Variants in SMARCA4 observed in about 807,000 individuals in gnomAD.
The protein encoded by SMARCA4 is SWI/SNF related BAF chromatin remodeling complex subunit ATPase 4.
SMARCA4 carries 31 observed loss-of-function variants against 193.9 expected under a neutral mutation model. That is an observed-to-expected ratio of 0.16 (90% CI 0.12 to 0.22). The LOEUF is 0.22. Among genes scored for constraint, SMARCA4 ranks in the 10% least tolerant of loss-of-function variants. SMARCA4 has a pLI of 1.00. For synonymous variants in SMARCA4, 942 were observed against 933.1 expected, an observed-to-expected ratio of 1.01 and a Z score of -0.17; for missense variants, 1,148 against 2,296.0, an observed-to-expected ratio of 0.50 and a Z score of 10.22.
intron 18 of SMARCA4, 88 bp from the exon 19 acceptor site, chr19:11,021,637 T>A: frequency 6.6e-7 from 1 of 1,507,032 alleles, no homozygotes; most frequent in South Asian, 1.2e-5. Context: ...GGAGCCTTCC[T>A]GGCTGCTGGG....
Position 10,986,279 on chromosome 19 carries a change from C to G in SMARCA4, c.446C>G (p.Pro149Arg), listed in dbSNP as rs752378291. 1 of 1,613,854 alleles carries G rather than the reference C, an allele frequency of 6.2e-7. No homozygotes were observed. Among genetic ancestry groups the G allele is most frequent in the South Asian group, 1.1e-5 (1 of 91,082 alleles). ...TCGGGGCCCCAGATGTCTTCCGGGC[C>G]AGGAGGTGCCCCGCTGGATGGTGCT... ...PSSGPQMSSGPGGAPLDGADP... is the reference protein window; with the variant it reads ...PSSGPQMSSGRGGAPLDGADP... The change falls in exon 4 of 35, where the codon CCA becomes CGA. Residue 149 changes from proline (P) to arginine (R), a missense_variant. This residue lies in a region of SMARCA4 where 201 missense variants were observed against 248.3 expected (regional missense o/e 0.81). Coordinates refer to ENST00000344626, the MANE Select transcript of SMARCA4 (RefSeq NM_003072.5). This position sits in a 1 kb window ranked among gnomAD's most constrained non-coding sequence, Gnocchi z 6.7.
intron 30 of SMARCA4, among the ~76,000 whole-genome samples, chr19:11,048,626 A>G (rs1487278075): frequency 6.6e-6 from 1 of 152,200 alleles, no homozygotes; most frequent in East Asian, 1.9e-4. Flanking sequence ...TGGTCCGTCT[A>G]GGTGGCGACA....
At position 11,030,421 on chromosome 19, in the gene SMARCA4, A is replaced by G. The variant is rs1349049015; in HGVS notation, c.3383-309A>G. Among the ~76,000 whole-genome samples, 1 of 152,200 alleles carries G rather than the reference A, an allele frequency of 6.6e-6. No homozygotes were observed. The highest frequency in any genetic ancestry group is 1.5e-5 in the Non-Finnish European group (1 of 68,038). On this transcript the variant is annotated intron_variant, in intron 24 of 34. Transcript: ENST00000344626. The surrounding 1 kb of genome is among the most constrained non-coding windows in gnomAD (Gnocchi z 5.5). Reference sequence around the variant, plus strand: ...GGCTGTGGTGGTGGTGGCTGTGCTGACGCTGGACGCTGTGGCCTAGCTGTG... The same window carrying G: ...GGCTGTGGTGGTGGTGGCTGTGCTGGCGCTGGACGCTGTGGCCTAGCTGTG...
chr19:10,976,320 A>G (rs1599867495), intron 1 of SMARCA4, among the ~76,000 whole-genome samples: 1 of 152,036 alleles, frequency 6.6e-6, no homozygotes, highest in Admixed American at 6.6e-5. Context: ...CCAGCCCCAC[A>G]CCCCATCCAG....
chr19:11,061,722 C>T (rs2147155573), intron 34 of SMARCA4, 62 bp from the exon 35 acceptor site: 1 of 1,520,480 alleles, frequency 6.6e-7, no homozygotes. Context: ...TTGGCAGGTC[C>T]CTGGCAAGGT....
chr19:10,968,446 CACGG>C (rs2084409711), intron 1 of SMARCA4, among the ~76,000 whole-genome samples: 1 of 152,096 alleles, frequency 6.6e-6, no homozygotes, highest in Non-Finnish European at 1.5e-5. Context: ...GATAGAGTAG[CACGG>C]GCCCCGTTTT....
In SMARCA4 at chr19:11,039,505, T is replaced by C. The variant is rs1600445874; in HGVS notation, c.4171-1802T>C. On this transcript the variant is annotated intron_variant, in intron 29 of 34. Transcript: ENST00000344626. ...ATGACACAGCCAGCAGTGTGGCACG[T>C]GGGCTACAATTCCAGCGTGGCCTTC... 1 of 1,601,472 alleles carries C rather than the reference T, an allele frequency of 6.2e-7. No individual in the cohort carries two copies. The highest frequency in any genetic ancestry group is 8.5e-7 in the Non-Finnish European group (1 of 1,175,768).
At position 11,041,210 on chromosome 19, in the gene SMARCA4, T is replaced by A; in HGVS notation, c.4171-97T>A. 1 of 1,354,568 alleles carries A rather than the reference T, an allele frequency of 7.4e-7. No individual in the cohort carries two copies. Among genetic ancestry groups the A allele is most frequent in the Non-Finnish European group, 1.0e-6 (1 of 989,410 alleles). 83.9% of individuals were successfully genotyped at this position (1,354,568 alleles called of 1,614,324 possible). On this transcript the variant is annotated intron_variant, in intron 29 of 34. Coordinates refer to ENST00000344626, the MANE Select transcript of SMARCA4 (RefSeq NM_003072.5). The surrounding 1 kb of genome is among the most constrained non-coding windows in gnomAD (Gnocchi z 5.6). ...GAAGGGAGAGCGGGTGCGGGGGCCC[T>A]CCTCCGTGTCCCAGCCCGGCCCCTG...
In SMARCA4 at chr19:10,963,370, CAAAAAAA is replaced by C. The variant is rs755616481; in HGVS notation, c.-32+2211_-32+2217del. 3.8e-4 allele frequency among the ~76,000 whole-genome samples: 20 copies of C among 53,142 alleles called. No homozygotes were observed. In the South Asian group the frequency reaches 5.6e-3, roughly 15 times the overall value. The allele number at this position is 53,142 out of a possible 152,430, so 34.9% of individuals were successfully genotyped here. ...CCTGTGCACCAGAGTAAGACTGTCTCAAAAAAAAAAAAAAAAAAAAAGAAAAAGAAAG... is the reference window on the plus strand; with the variant it reads ...CCTGTGCACCAGAGTAAGACTGTCTCAAAAAAAAAAAAAAGAAAAAGAAAG... On this transcript the variant is annotated intron_variant, in intron 1 of 34. Coordinates refer to ENST00000344626, the MANE Select transcript of SMARCA4 (RefSeq NM_003072.5).
At chr19:11,053,828 A>T (rs2076394239) in intron 30 of SMARCA4, among the ~76,000 whole-genome samples, 3 of 152,022 alleles carry the variant, frequency 2.0e-5, no homozygotes, top group African/African-American at 7.2e-5. Context: ...GTAGGATCTC[A>T]TGAGCCCAGG....
intron 22 of SMARCA4, 135 bp downstream of exon 22, chr19:11,025,643 C>G: frequency 2.8e-6 from 2 of 710,496 alleles, no homozygotes; most frequent in Non-Finnish European, 5.1e-6. Flanking sequence ...ATCTGTCTCT[C>G]ATTTGGTCTT....
At chr19:11,060,677 C>T (rs193174836) in intron 34 of SMARCA4, among the ~76,000 whole-genome samples, 3 of 152,314 alleles carry the variant, frequency 2.0e-5, no homozygotes, top group Admixed American at 6.5e-5. Flanking sequence ...AATAATCTCA[C>T]CTCTGTCTCT....
intron 24 of SMARCA4, among the ~76,000 whole-genome samples, chr19:11,028,866 TTTG>T (rs1436844651): frequency 2.0e-5 from 3 of 148,702 alleles, no homozygotes; most frequent in East Asian, 2.0e-4. Flanking sequence ...GCTCAGCCAG[TTTG>T]TTGTTCCCTA....
At chr19:11,060,321 A>G (rs1600651322) in intron 34 of SMARCA4, 134 bp downstream of exon 34, 18 of 1,130,692 alleles carry the variant, frequency 1.6e-5, no homozygotes, top group Non-Finnish European at 2.3e-5. Context: ...TTGACCTGCC[A>G]TGGCTGACCC....
At chr19:11,015,270 T>G (rs1167503101) in intron 16 of SMARCA4, among the ~76,000 whole-genome samples, 1 of 152,228 alleles carries the variant, frequency 6.6e-6, no homozygotes, top group Non-Finnish European at 1.5e-5. Flanking sequence ...TATTTACCAA[T>G]CTTGTCAGTT....
At chr19:10,968,163 T>G (rs2084386706) in intron 1 of SMARCA4, among the ~76,000 whole-genome samples, 1 of 152,176 alleles carries the variant, frequency 6.6e-6, no homozygotes, top group South Asian at 2.1e-4. Flanking sequence ...TAATTTTGTA[T>G]TTTTAGTAGA....
rs1568570437 is a variant in SMARCA4 at position 11,061,790 on chromosome 19, T to C, written c.4918T>C (p.Ser1640Pro). ...DSEEEQEEDR[S>P]GSGSEED is the part of the protein sequence containing the mutation. ...CCTCCTGTCCCCTCTCCAGGACCGCTCAGGAAGTGGCAGCGAAGAAGACTG... is the reference window on the plus strand; with the variant it reads ...CCTCCTGTCCCCTCTCCAGGACCGCCCAGGAAGTGGCAGCGAAGAAGACTG... Residue 1640 changes from serine (S) to proline (P), a missense_variant, in exon 35 of 35, where the codon TCA (serine) becomes CCA (proline). Around this residue, in one of 17 missense-constraint regions of SMARCA4, gnomAD observed 105 missense variants for 133.7 expected, o/e 0.79. Coordinates refer to ENST00000344626, the MANE Select transcript of SMARCA4 (RefSeq NM_003072.5). 1 of 1,613,840 alleles carries C rather than the reference T, an allele frequency of 6.2e-7. No homozygotes were observed. Among genetic ancestry groups the C allele is most frequent in the Non-Finnish European group, 8.5e-7 (1 of 1,179,980 alleles).
chr19:11,024,716 C>T (rs2090124998), intron 21 of SMARCA4, among the ~76,000 whole-genome samples: 1 of 152,146 alleles, frequency 6.6e-6, no homozygotes, highest in Non-Finnish European at 1.5e-5. Context: ...TCTAGAATGC[C>T]CCCCTTCTCT....
At chr19:10,982,539 G>T (rs1443820526) in intron 1 of SMARCA4, among the ~76,000 whole-genome samples, 1 of 149,268 alleles carries the variant, frequency 6.7e-6, no homozygotes, top group Middle Eastern at 3.4e-3. Context: ...TTGCTCTGTC[G>T]CCCAGGCTGG....
Sources: gnomAD v4.1 joint callset for allele counts (sites outside exome capture counted in the v4.1 genomes callset) on GRCh38, gnomAD v4.1.1 for gene constraint, gnomAD v4.1.1 regional missense constraint, Gnocchi (gnomAD v3.1) non-coding constraint, MANE v1.5 for transcripts, NCBI Gene and HGNC (gene_info 2026-07-23, HGNC 2026-07-21) for gene names.